The following SLC12A7 variants were observed in gnomAD, a reference collection of about 807,000 sequenced individuals.
SLC12A7 encodes solute carrier family 12 member 7, also known as K-Cl cotransporter 4.
In SLC12A7, 100 loss-of-function variants were observed where a neutral mutation model predicts 120.6. That is an observed-to-expected ratio of 0.83 (90% CI 0.71 to 0.98). The LOEUF (loss-of-function observed/expected upper bound fraction) is 0.98, where lower values mean the gene tolerates loss of function less well. SLC12A7 is among the 50% of genes least tolerant of loss of function. The pLI is 0.00. For synonymous variants in SLC12A7, 760 were observed against 678.0 expected, an observed-to-expected ratio of 1.12 and a Z score of -1.88; for missense variants, 1,373 against 1,548.1, an observed-to-expected ratio of 0.89 and a Z score of 1.90.
At chr5:1,060,532 C>T in intron 20 of SLC12A7, 81 bp from the exon 21 acceptor site, 1 of 1,071,554 alleles carries the variant, frequency 9.3e-7, no homozygotes, top group South Asian at 1.3e-5. Flanking sequence ...TACCCAGAGA[C>T]CGAGCCGCCC....
In SLC12A7 at chr5:1,076,229, G is replaced by A. The variant is rs982451440; in HGVS notation, c.1756C>T (p.Leu586Phe). ...SVAPILSMFF[L>F]MCYLFVNLAC... is the part of the protein sequence containing the mutation. ...AGGTTCACGAACAGGTAGCACATGA[G>A]GAAGAACCTGCAGGGACGGCCGGCC... is the stretch of plus-strand genomic sequence containing the variant. Residue 586 changes from leucine to phenylalanine, a missense_variant, in exon 14 of 24, where the codon CTC becomes TTC. Transcript: ENST00000264930. 2 of 1,609,744 alleles carry A rather than the reference G, an allele frequency of 1.2e-6. No individual in the cohort carries two copies. The highest frequency in any genetic ancestry group is 4.5e-5 in the East Asian group (2 of 44,756).
At chr5:1,075,539 C>G in intron 14 of SLC12A7, 49 bp from the exon 15 acceptor site, 1 of 1,578,064 alleles carries the variant, frequency 6.3e-7, no homozygotes, top group South Asian at 1.1e-5. Flanking sequence ...ATGCAGCCCC[C>G]ACACCTCAGC....
chr5:1,055,546 A>G (rs989504482), intron 22 of SLC12A7, among the ~76,000 whole-genome samples: 2 of 152,114 alleles, frequency 1.3e-5, no homozygotes, highest in African/African-American at 4.8e-5. Context: ...AGTCAATGCC[A>G]TCCCAGACGC....
intron 20 of SLC12A7, among the ~76,000 whole-genome samples, chr5:1,060,818 CA>C (rs1161206741): frequency 2.0e-5 from 3 of 152,200 alleles, no homozygotes; most frequent in Admixed American, 6.5e-5. Flanking sequence ...TGTCTATGCT[CA>C]GGGGGGCTTG....
At chr5:1,053,505 C>G (rs1408010670) in intron 22 of SLC12A7, 23 bp from the exon 23 acceptor site, 3 of 1,609,858 alleles carry the variant, frequency 1.9e-6, no homozygotes, top group Non-Finnish European at 2.5e-6. Context: ...TGGGCACGGT[C>G]AGCGGGCGGC....
At chr5:1,088,494 G>A (rs868021220) in intron 4 of SLC12A7, 134 bp from the exon 5 acceptor site, 7 of 937,320 alleles carry the variant, frequency 7.5e-6, no homozygotes, top group Middle Eastern at 2.3e-4. Flanking sequence ...CCATCTCAAT[G>A]GAGTGGCTAG....
At chr5:1,052,582 A>G (rs1209072465) in intron 23 of SLC12A7, 131 bp from the exon 24 acceptor site, 2 of 744,302 alleles carry the variant, frequency 2.7e-6, no homozygotes, top group Non-Finnish European at 4.5e-6. Context: ...CCAAGGTGAA[A>G]AGAGAGGTGG....
chr5:1,052,689 G>A (rs1243740324), intron 23 of SLC12A7, among the ~76,000 whole-genome samples: 2 of 152,106 alleles, frequency 1.3e-5, no homozygotes, highest in African/African-American at 2.4e-5. Flanking sequence ...CAGGGAGGAC[G>A]AGCAGAGACA....
intron 1 of SLC12A7, among the ~76,000 whole-genome samples, chr5:1,095,387 A>G (rs1344381468): frequency 6.6e-6 from 1 of 152,180 alleles, no homozygotes; most frequent in Non-Finnish European, 1.5e-5. Flanking sequence ...GCAAATGCAC[A>G]TGCCCCAGCC....
At chr5:1,118,207 G>A in the SLC12A7 span, among the ~76,000 whole-genome samples, 1 of 151,958 alleles carries the variant, frequency 6.6e-6, no homozygotes, top group Non-Finnish European at 1.5e-5. Flanking sequence ...TGATTTGAGT[G>A]ACAGTAAAAC....
chr5:1,111,819 C>G, intron 1 of SLC12A7, 49 bp downstream of exon 1: 2 of 1,194,228 alleles, frequency 1.7e-6, no homozygotes, highest in Non-Finnish European at 2.1e-6. Context: ...GGCCCAGACC[C>G]GCGCTCGGGG....
chr5:1,075,323 C>A (rs780522580), intron 15 of SLC12A7, 48 bp downstream of exon 15: 7 of 1,584,358 alleles, frequency 4.4e-6, no homozygotes, highest in Admixed American at 3.4e-5. Flanking sequence ...ATGAGAGGGG[C>A]CCGCCCTCCC....
At chr5:1,115,283 C>G (rs10474906), upstream of SLC12A7, among the ~76,000 whole-genome samples, 1 of 147,290 alleles carries the variant, frequency 6.8e-6, no homozygotes, top group Non-Finnish European at 1.5e-5. Flanking sequence ...CGAAACAGTC[C>G]CTGCTGCCTG....
chr5:1,111,984 G>A lies in SLC12A7; in HGVS notation c.8C>T (p.Thr3Ile). 7.8e-7 allele frequency: 1 copy of A among 1,282,730 alleles called. No homozygotes were observed. Among genetic ancestry groups the A allele is most frequent in the Non-Finnish European group, 9.8e-7 (1 of 1,015,376 alleles). 79.5% of individuals were successfully genotyped at this position (1,282,730 alleles called of 1,614,324 possible). A position where few individuals can be genotyped will look rare whatever the true frequency, so the allele number is the denominator to read the frequency against. The change falls in exon 1 of 24, where the codon ACC becomes ATC. Residue 3 changes from threonine (T) to isoleucine (I), a missense_variant. Thr to Ile is a moderately conservative substitution (Grantham distance 89). Transcript: ENST00000264930. MP[T>I]NFTVVPVEAH... Reference sequence around the variant, plus strand: ...CTCCACGGGCACCACGGTGAAGTTGGTGGGCATGGCCGCCTGCAGCCGACA... The same window carrying A: ...CTCCACGGGCACCACGGTGAAGTTGATGGGCATGGCCGCCTGCAGCCGACA...
At chr5:1,114,886 G>A (rs1408285860), upstream of SLC12A7, among the ~76,000 whole-genome samples, 1 of 152,190 alleles carries the variant, frequency 6.6e-6, no homozygotes, top group African/African-American at 2.4e-5. Flanking sequence ...TGGTGGCTTC[G>A]TCATGAATTC....
intron 17 of SLC12A7, among the ~76,000 whole-genome samples, chr5:1,069,023 C>T (rs1737352907): frequency 6.6e-6 from 1 of 152,256 alleles, no homozygotes; most frequent in Non-Finnish European, 1.5e-5. Context: ...ATATGGGGAC[C>T]AGGACCGTGA....
chr5:1,141,378 C>T, the SLC12A7 span, among the ~76,000 whole-genome samples: 1 of 152,218 alleles, frequency 6.6e-6, no homozygotes, highest in Non-Finnish European at 1.5e-5. Context: ...CTCTCCCAGT[C>T]CTAATGGAGA....
the SLC12A7 span, among the ~76,000 whole-genome samples, chr5:1,132,745 TC>T: frequency 6.6e-6 from 1 of 152,156 alleles, no homozygotes; most frequent in South Asian, 2.1e-4. Flanking sequence ...CCAGCTTGCT[TC>T]CCTCTGGAGC....
At position 1,081,052 on chromosome 5, in the gene SLC12A7, A is replaced by C. The variant is rs541820937; in HGVS notation, c.1297+525T>G. ...GAGAGAGAGGGAGGGAGGGAAGAAG[A>C]GGGAGACAGAGAGAGAGAGAGAGAC... On this transcript the variant is annotated intron_variant, in intron 9 of 23. Coordinates refer to ENST00000264930, the MANE Select transcript of SLC12A7 (RefSeq NM_006598.3). 4.7e-3 allele frequency among the ~76,000 whole-genome samples: 463 copies of C among 97,536 alleles called. 1 individual carries two copies. Among genetic ancestry groups the C allele is most frequent in the Admixed American group, 9.3e-3 (74 of 7,990 alleles). The allele number at this position is 97,536 out of a possible 152,430, so 64.0% of individuals were successfully genotyped here.
Sources: allele counts gnomAD v4.1 joint callset (sites outside exome capture counted in the v4.1 genomes callset), GRCh38; gene constraint gnomAD v4.1.1; transcripts MANE v1.5; gene names NCBI Gene and HGNC (gene_info 2026-07-23, HGNC 2026-07-21).